Variants in HECW2 observed in about 807,000 individuals in gnomAD.
HECW2 encodes HECT, C2 and WW domain containing E3 ubiquitin protein ligase 2.
HECW2 carries 61 observed loss-of-function variants against 175.2 expected under a neutral mutation model. That is an observed-to-expected ratio of 0.35 (90% CI 0.28 to 0.43). The LOEUF (loss-of-function observed/expected upper bound fraction) is 0.43, where lower values mean the gene tolerates loss of function less well. HECW2 is among the 20% of genes least tolerant of loss of function. HECW2 has a pLI of 1.00. For synonymous variants in HECW2, 671 were observed against 731.0 expected (o/e 0.92, Z 1.32); for missense variants, 1,524 against 2,000.5 (o/e 0.76, Z 4.54).
chr2:196,573,020 T>C (rs1289218012), intron 1 of HECW2, among the ~76,000 whole-genome samples: 4 of 152,194 alleles, frequency 2.6e-5, no homozygotes, highest in African/African-American at 9.7e-5. Context: ...TGGACTTTTC[T>C]TTAAGTATGT....
rs541763123 is a variant in HECW2 at position 196,486,383 on chromosome 2, A to G, written c.-35-52925T>C. On this transcript the variant is annotated intron_variant, in intron 1 of 28. Transcript: ENST00000644978. ...GACTAGCAGTTACACAGAGCTTCTC[A>G]TTATGTCAGTGAACAGGGAGGGTGG... Among the ~76,000 whole-genome samples, 53 of 152,294 alleles carry G rather than the reference A, an allele frequency of 3.5e-4. 1 individual carries two copies. The South Asian group carries it at 4.3e-3, about 12-fold the overall frequency.
intron 1 of HECW2, among the ~76,000 whole-genome samples, chr2:196,573,548 T>C (rs1690457786): frequency 6.6e-6 from 1 of 151,802 alleles, no homozygotes; most frequent in Admixed American, 6.6e-5. Context: ...ACCCAGAAAA[T>C]TATCACTATA....
At chr2:196,551,180 T>C (rs555849237) in intron 1 of HECW2, among the ~76,000 whole-genome samples, 11 of 152,294 alleles carry the variant, frequency 7.2e-5, no homozygotes, top group African/African-American at 2.4e-4. Context: ...ATAGGCTACA[T>C]AAGTTTAGAA....
chr2:196,483,885 T>C (rs1686919573), intron 1 of HECW2, among the ~76,000 whole-genome samples: 1 of 152,156 alleles, frequency 6.6e-6, no homozygotes, highest in Non-Finnish European at 1.5e-5. Context: ...TTTTGAATCT[T>C]TTGAGGGGGA....
chr2:196,249,236 A>G (rs1212631727), intron 19 of HECW2, among the ~76,000 whole-genome samples: 1 of 152,166 alleles, frequency 6.6e-6, no homozygotes, highest in African/African-American at 2.4e-5. Flanking sequence ...TGGGTCCCAT[A>G]TTTGGCATAA....
intron 1 of HECW2, among the ~76,000 whole-genome samples, chr2:196,454,190 C>T (rs187695394): frequency 5.8e-4 from 89 of 152,246 alleles, no homozygotes; most frequent in Admixed American, 1.7e-3. Context: ...AAACTCCTGA[C>T]CTCAAGCGAT....
chr2:196,335,002 T>C (rs995754761), intron 3 of HECW2, among the ~76,000 whole-genome samples: 7 of 152,234 alleles, frequency 4.6e-5, no homozygotes, highest in Admixed American at 3.3e-4. Flanking sequence ...TCATAACCTC[T>C]ATCTACATTG....
chr2:196,355,638 A>G (rs938491455), intron 2 of HECW2, among the ~76,000 whole-genome samples: 1 of 152,194 alleles, frequency 6.6e-6, no homozygotes, highest in African/African-American at 2.4e-5. Flanking sequence ...AGGGATAGAG[A>G]AAATGAAATT....
intron 1 of HECW2, among the ~76,000 whole-genome samples, chr2:196,591,599 T>C (rs1471925741): frequency 6.6e-6 from 1 of 152,162 alleles, no homozygotes; most frequent in Non-Finnish European, 1.5e-5. Context: ...CGTTACAGTG[T>C]CTCCTTTAAG....
chr2:196,313,833 C>T (rs1691590902), intron 10 of HECW2, among the ~76,000 whole-genome samples: 1 of 152,106 alleles, frequency 6.6e-6, no homozygotes, highest in Admixed American at 6.5e-5. Flanking sequence ...GGGAGGATTG[C>T]TTGAGGCCAG....
chr2:196,314,129 T>C (rs17829590), intron 10 of HECW2, among the ~76,000 whole-genome samples: 3 of 152,280 alleles, frequency 2.0e-5, no homozygotes, highest in East Asian at 3.9e-4. Flanking sequence ...CTAATACAGA[T>C]GCTGAATAGA....
chr2:196,562,287 C>A (rs1028085358), intron 1 of HECW2, among the ~76,000 whole-genome samples: 7 of 152,184 alleles, frequency 4.6e-5, no homozygotes, highest in African/African-American at 9.7e-5. Context: ...GTGATACATA[C>A]TAAATTTCTT....
At chr2:196,309,766 A>T (rs570598613) in intron 10 of HECW2, among the ~76,000 whole-genome samples, 13 of 152,324 alleles carry the variant, frequency 8.5e-5, no homozygotes, top group African/African-American at 3.1e-4. Context: ...TCAATTCAGG[A>T]TAAAAAAATA....
At chr2:196,576,752 A>C (rs901325811) in intron 1 of HECW2, among the ~76,000 whole-genome samples, 1 of 152,250 alleles carries the variant, frequency 6.6e-6, no homozygotes, top group African/African-American at 2.4e-5. Context: ...ACAAATGTTA[A>C]CAAGCATTGT....
chr2:196,399,229 T>C (rs1480469475), intron 2 of HECW2, among the ~76,000 whole-genome samples: 3 of 150,518 alleles, frequency 2.0e-5, no homozygotes, highest in African/African-American at 7.3e-5. Context: ...GCTAATTTTT[T>C]CCCCAAGGAT....
chr2:196,425,795 A>C (rs953579510), intron 2 of HECW2, among the ~76,000 whole-genome samples: 14 of 152,208 alleles, frequency 9.2e-5, no homozygotes, highest in African/African-American at 7.2e-5. Context: ...ACAACAACAA[A>C]AAAAATTAGA....
intron 1 of HECW2, chr2:196,586,704 C>CCT (rs61017883): frequency 0.87 from 130,372 of 150,384 alleles, 56,592 homozygotes; most frequent in East Asian, 0.96. Flanking sequence ...AGTTCTGTCC[C>CCT]GAGCAACTTT....
intron 2 of HECW2, among the ~76,000 whole-genome samples, chr2:196,395,270 A>G (rs976288397): frequency 2.0e-5 from 3 of 152,196 alleles, no homozygotes; most frequent in African/African-American, 7.2e-5. Context: ...AGGAAAACAT[A>G]CGGTAAAAGC....
intron 1 of HECW2, among the ~76,000 whole-genome samples, chr2:196,558,516 T>C (rs772183223): frequency 3.9e-5 from 6 of 152,258 alleles, no homozygotes; most frequent in Non-Finnish European, 8.8e-5. Flanking sequence ...GCCTTCTTCA[T>C]AGAAAACAAC....
Sources: gnomAD v4.1 joint callset for allele counts (sites outside exome capture counted in the v4.1 genomes callset) on GRCh38, gnomAD v4.1.1 for gene constraint, MANE v1.5 for transcripts, NCBI Gene and HGNC (gene_info 2026-07-23, HGNC 2026-07-21) for gene names.